Variants in AGGF1 observed in about 807,000 individuals in gnomAD.
AGGF1 encodes angiogenic factor with G patch and FHA domains 1.
A neutral mutation model predicts 86.5 loss-of-function variants in AGGF1; 56 were observed. That is an observed-to-expected ratio of 0.65 (90% CI 0.52 to 0.81). AGGF1 has a LOEUF of 0.81. Among genes scored for constraint, AGGF1 ranks in the 30% least tolerant of loss-of-function variants. The probability of loss-of-function intolerance (pLI) is 0.00; values close to 1 mark genes in which losing one functional copy is unlikely to be tolerated. For synonymous variants in AGGF1, 313 were observed against 297.1 expected, an observed-to-expected ratio of 1.05 and a Z score of -0.55; for missense variants, 816 against 850.9, an observed-to-expected ratio of 0.96 and a Z score of 0.51.
In AGGF1 at chr5:77,030,786, C is replaced by T; in HGVS notation, c.20C>T (p.Ser7Phe). Residue 7 changes from serine (S) to phenylalanine (F), a missense_variant, in exon 1 of 14, where the codon TCC (serine) becomes TTC (phenylalanine). Ser to Phe is a radical substitution (Grantham distance 155). Around this residue, in one of 3 missense-constraint regions of AGGF1, gnomAD observed 240 missense variants for 234.4 expected, o/e 1.02. Transcript: ENST00000312916. MASEAP[S>F]PPRSPPPPTS... ...GAGCTCATGGCCTCGGAGGCGCCGT[C>T]CCCGCCGCGGTCGCCGCCGCCGCCC... 1.3e-6 allele frequency: 2 copies of T among 1,586,836 alleles called. No individual in the cohort carries two copies. Among genetic ancestry groups the T allele is most frequent in the Non-Finnish European group, 1.7e-6 (2 of 1,171,376 alleles).
At chr5:77,039,984 C>CTTG (rs1747040402) in intron 5 of AGGF1, among the ~76,000 whole-genome samples, 1 of 151,870 alleles carries the variant, frequency 6.6e-6, no homozygotes, top group Non-Finnish European at 1.5e-5. Flanking sequence ...GAATTCAGAT[C>CTTG]CTCAGTTGAT....
chr5:77,059,421 A>G (rs1247527311), intron 11 of AGGF1, among the ~76,000 whole-genome samples, 195 bp from the exon 12 acceptor site: 2 of 152,082 alleles, frequency 1.3e-5, no homozygotes, highest in Non-Finnish European at 2.9e-5. Flanking sequence ...ACCTCTAGCT[A>G]TCCTCTTGCC....
At chr5:77,057,695 A>G (rs1747485349) in intron 11 of AGGF1, among the ~76,000 whole-genome samples, 1 of 152,234 alleles carries the variant, frequency 6.6e-6, no homozygotes, top group Non-Finnish European at 1.5e-5. Flanking sequence ...TTCTGGGTGA[A>G]TGGAGTCTCA....
chr5:77,044,743 A>T (rs1747213002), intron 5 of AGGF1, among the ~76,000 whole-genome samples: 1 of 152,102 alleles, frequency 6.6e-6, no homozygotes, highest in African/African-American at 2.4e-5. Flanking sequence ...GTGAATTTGT[A>T]TTGCTAGAAG....
rs746943657 is a variant in AGGF1 at position 77,048,902 on chromosome 5, A to G, written c.1314-34A>G. On this transcript the variant is annotated intron_variant, in intron 7 of 13. Transcript: ENST00000312916. Reference sequence around the variant, plus strand: ...ATGTCACTTTATATAATATGCTTCAAAAATTATTAAAGACACTTTACTTAA... The same window carrying G: ...ATGTCACTTTATATAATATGCTTCAGAAATTATTAAAGACACTTTACTTAA... 6 of 1,604,874 alleles carry G rather than the reference A, an allele frequency of 3.7e-6. No individual in the cohort carries two copies. The African/African-American group carries it at 4.0e-5, about 11-fold the overall frequency.
chr5:77,055,135 C>T (rs1467724985), intron 10 of AGGF1, among the ~76,000 whole-genome samples: 1 of 152,136 alleles, frequency 6.6e-6, no homozygotes, highest in Non-Finnish European at 1.5e-5. Flanking sequence ...TGTTGCATTA[C>T]ACAATAACAT....
intron 8 of AGGF1, among the ~76,000 whole-genome samples, chr5:77,050,684 A>G (rs1470758229): frequency 6.6e-6 from 1 of 152,146 alleles, no homozygotes; most frequent in Non-Finnish European, 1.5e-5. Context: ...AAATGGTAAA[A>G]ATTACAAAGG....
chr5:77,043,160 A>G (rs62362580), intron 5 of AGGF1, among the ~76,000 whole-genome samples: 17 of 35,662 alleles, frequency 4.8e-4, no homozygotes, highest in Admixed American at 1.1e-3. Flanking sequence ...CCTCCCGGAC[A>G]GGGCGGCTGG....
chr5:77,043,786 G>A, intron 5 of AGGF1, among the ~76,000 whole-genome samples: 1 of 121,178 alleles, frequency 8.3e-6, no homozygotes, highest in South Asian at 2.6e-4. Flanking sequence ...TCTCAGAGTG[G>A]GCAGCTGCCG....
chr5:77,042,464 G>C (rs1263602701), intron 5 of AGGF1, among the ~76,000 whole-genome samples: 5 of 84,468 alleles, frequency 5.9e-5, no homozygotes, highest in African/African-American at 1.8e-4. Context: ...CCTCCCTCCC[G>C]GACGGGGCGG....
Position 77,030,820 on chromosome 5 carries a change from C to G in AGGF1, c.54C>G (p.Pro18=), listed in dbSNP as rs553004032. ...GGTCGCCGCCGCCGCCCACCTCCCC[C>G]GAGCCTGAGCTGGCCCAGCTAAGGC... ...PPRSPPPPTS[P]EPELAQLRRK... The change falls in exon 1 of 14, where the codon CCC becomes CCG. Residue 18 remains proline, a synonymous_variant. Transcript: ENST00000312916. 3.7e-6 allele frequency: 6 copies of G among 1,608,610 alleles called. No individual in the cohort carries two copies. In the South Asian group the frequency reaches 4.4e-5, roughly 12 times the overall value.
intron 1 of AGGF1, among the ~76,000 whole-genome samples, chr5:77,031,928 G>C (rs1432752996): frequency 6.6e-6 from 1 of 151,946 alleles, no homozygotes; most frequent in African/African-American, 2.4e-5. Context: ...AAAACCAAGA[G>C]CATAGTATTT....
At chr5:77,048,134 A>G (rs752315280) in intron 6 of AGGF1, 27 bp from the exon 7 acceptor site, 3 of 1,398,062 alleles carry the variant, frequency 2.1e-6, no homozygotes, top group South Asian at 1.2e-5. Context: ...AGTTAAATTA[A>G]TATTTACTCA....
chr5:77,060,084 C>T (rs563621677), intron 12 of AGGF1, among the ~76,000 whole-genome samples: 13 of 152,254 alleles, frequency 8.5e-5, no homozygotes, highest in African/African-American at 2.2e-4. Flanking sequence ...CCTCATGATC[C>T]GCCCACCTTG....
chr5:77,043,200 C>A (rs1580128009), intron 5 of AGGF1, among the ~76,000 whole-genome samples: 18 of 59,228 alleles, frequency 3.0e-4, no homozygotes, highest in African/African-American at 9.1e-4. Flanking sequence ...CCCCACCTCC[C>A]TCCCGGACGG....
At chr5:77,044,300 C>T (rs576240139) in intron 5 of AGGF1, among the ~76,000 whole-genome samples, 9 of 152,190 alleles carry the variant, frequency 5.9e-5, no homozygotes, top group African/African-American at 1.9e-4. Context: ...ATTGAGCACT[C>T]GACAAGAACT....
chr5:77,031,077 C>A, intron 1 of AGGF1, 101 bp downstream of exon 1: 1 of 1,226,168 alleles, frequency 8.2e-7, no homozygotes, highest in Non-Finnish European at 1.2e-6. Context: ...CTCAGAACTA[C>A]TGTAGAGTAC....
intron 1 of AGGF1, 89 bp downstream of exon 1, chr5:77,031,065 G>T: frequency 7.4e-7 from 1 of 1,359,868 alleles, no homozygotes; most frequent in Admixed American, 1.7e-5. Context: ...CCCTGGCAGG[G>T]GCTCAGAACT....
chr5:77,051,159 C>T (rs192643382), intron 8 of AGGF1, among the ~76,000 whole-genome samples: 13 of 152,122 alleles, frequency 8.5e-5, no homozygotes, highest in Admixed American at 5.9e-4. Context: ...GGGGGTTGGG[C>T]GCGGTGGCTT....
Sources: gnomAD v4.1 joint callset for allele counts (sites outside exome capture counted in the v4.1 genomes callset) on GRCh38, gnomAD v4.1.1 for gene constraint, gnomAD v4.1.1 regional missense constraint, MANE v1.5 for transcripts, NCBI Gene and HGNC (gene_info 2026-07-23, HGNC 2026-07-21) for gene names.